Variants in KIF24 observed in about 807,000 individuals in gnomAD.
The protein encoded by KIF24 is kinesin-like protein KIF24.
A neutral mutation model predicts 118.9 loss-of-function variants in KIF24; 81 were observed. That is an observed-to-expected ratio of 0.68 (90% CI 0.57 to 0.82). The LOEUF (loss-of-function observed/expected upper bound fraction) is 0.82. KIF24 is among the 40% of genes least tolerant of loss of function. KIF24 has a pLI of 0.00. For synonymous variants in KIF24, 599 were observed against 610.0 expected (o/e 0.98, Z 0.27); for missense variants, 1,560 against 1,661.6 (o/e 0.94, Z 1.06).
rs372980730 is a variant in KIF24 at position 34,263,169 on chromosome 9, T to C, written c.1447A>G (p.Lys483Glu). 1.9e-6 allele frequency: 3 copies of C among 1,612,582 alleles called. No individual in the cohort carries two copies. The highest frequency in any genetic ancestry group is 2.5e-6 in the Non-Finnish European group (3 of 1,179,204). The change falls in exon 9 of 13, where the codon AAG becomes GAG. Residue 483 changes from lysine (K) to glutamate (E), a missense_variant. Lys to Glu is a moderately conservative substitution (Grantham distance 56). This residue lies in a region of KIF24 where 964 missense variants were observed against 988.0 expected (regional missense o/e 0.98). Coordinates refer to ENST00000402558, the MANE Select transcript of KIF24 (RefSeq NM_194313.4). ...TGATCCAGTGCTCGGATACATTCCT[T>C]CAGCTGCAAAGTGGGAGAACAAGCA... ...AEINQSLLAL[K>E]ECIRALDQEH...
intron 7 of KIF24, 60 bp from the exon 8 acceptor site, chr9:34,269,422 T>C: frequency 1.2e-6 from 1 of 821,328 alleles, no homozygotes; most frequent in Non-Finnish European, 1.8e-6. Flanking sequence ...TTATTTTATT[T>C]TTATTATTAT....
Position 34,290,421 on chromosome 9 carries a change from ATATTAAGAGAAG to A in KIF24, c.912-44_912-33del, listed in dbSNP as rs777372538. On this transcript the variant is annotated intron_variant, in intron 4 of 12. Coordinates refer to ENST00000402558, the MANE Select transcript of KIF24 (RefSeq NM_194313.4). Reference sequence around the variant, plus strand: ...AAAGGATAATTTGCATTACTTATGCATATTAAGAGAAGTATTAGTTTACCCATAGATTTTTAA... The same window carrying A: ...AAAGGATAATTTGCATTACTTATGCATATTAGTTTACCCATAGATTTTTAA... 7 of 1,336,400 alleles carry A rather than the reference ATATTAAGAGAAG, an allele frequency of 5.2e-6. No individual in the cohort carries two copies. The South Asian group carries it at 8.5e-5, about 16-fold the overall frequency. The allele number at this position is 1,336,400 out of a possible 1,614,324, so 82.8% of individuals were successfully genotyped here.
At chr9:34,331,697 T>A (rs1013226695), upstream of KIF24, among the ~76,000 whole-genome samples, 1 of 152,222 alleles carries the variant, frequency 6.6e-6, no homozygotes, top group South Asian at 2.1e-4. Context: ...AAAATAATTT[T>A]AAAAAAGTAA....
At position 34,255,795 on chromosome 9, in the gene KIF24, A is replaced by G. The variant is rs890956314; in HGVS notation, c.3812T>C (p.Val1271Ala). Residue 1271 changes from valine to alanine, a missense_variant, in exon 11 of 13, where the codon GTT becomes GCT. Physicochemically the swap from Val to Ala is moderately conservative, Grantham distance 64 (BLOSUM62 0). Around this residue, in one of 3 missense-constraint regions of KIF24, gnomAD observed 591 missense variants for 655.6 expected, o/e 0.90. Transcript: ENST00000402558. Reference protein sequence around the residue: ...RCLARPSSPLVPSCSPKTAGT... With the variant: ...RCLARPSSPLAPSCSPKTAGT... Reference sequence around the variant, plus strand: ...TGCAGTCTTGGGAGAGCAGCTGGGAACCAAGGGAGAACTTGGCCTTGCTAA... The same window carrying G: ...TGCAGTCTTGGGAGAGCAGCTGGGAGCCAAGGGAGAACTTGGCCTTGCTAA... The G allele has an allele frequency of 3.7e-6, 6 of 1,613,776 alleles. No homozygotes were observed. The highest frequency in any genetic ancestry group is 1.6e-4 in the Middle Eastern group (1 of 6,084).
At chr9:34,283,052 C>CAAAAA (rs33926979) in intron 6 of KIF24, among the ~76,000 whole-genome samples, 1 of 69,062 alleles carries the variant, frequency 1.4e-5, no homozygotes, top group African/African-American at 5.6e-5. Flanking sequence ...AACTCCGTCT[C>CAAAAA]AAAAAAAAAA....
intron 9 of KIF24, among the ~76,000 whole-genome samples, chr9:34,262,566 G>C (rs1835096107): frequency 7.1e-6 from 1 of 140,732 alleles, no homozygotes; most frequent in Admixed American, 7.4e-5. Context: ...CAGTACTTTG[G>C]AAGGCTGAGG....
At chr9:34,292,859 T>C (rs1165896052) in intron 4 of KIF24, among the ~76,000 whole-genome samples, 1 of 152,148 alleles carries the variant, frequency 6.6e-6, no homozygotes, top group Non-Finnish European at 1.5e-5. Context: ...AAGAATAATA[T>C]CTACTTTACT....
intron 4 of KIF24, 48 bp from the exon 5 acceptor site, chr9:34,290,437 T>C (rs928928460): frequency 8.4e-7 from 1 of 1,192,958 alleles, no homozygotes. Context: ...AGAGAAGTAT[T>C]AGTTTACCCA....
chr9:34,290,149 A>G (rs778941426), intron 5 of KIF24, 25 bp downstream of exon 5: 1 of 1,517,062 alleles, frequency 6.6e-7, no homozygotes. Flanking sequence ...GAACAGATTT[A>G]TCGCTTCCCA....
At chr9:34,309,929 A>G (rs1837071902) in intron 2 of KIF24, among the ~76,000 whole-genome samples, 1 of 151,864 alleles carries the variant, frequency 6.6e-6, no homozygotes, top group Non-Finnish European at 1.5e-5. Flanking sequence ...TTGTTTGCCC[A>G]TAACTCACAT....
intron 5 of KIF24, among the ~76,000 whole-genome samples, chr9:34,288,473 G>A (rs1002326009): frequency 2.0e-5 from 3 of 151,180 alleles, no homozygotes; most frequent in Non-Finnish European, 4.4e-5. Context: ...GGGCGACAGA[G>A]CAATACCTTG....
At chr9:34,297,323 C>G (rs1836523123) in intron 3 of KIF24, among the ~76,000 whole-genome samples, 1 of 152,154 alleles carries the variant, frequency 6.6e-6, no homozygotes, top group South Asian at 2.1e-4. Context: ...AAGGTAAAAA[C>G]TAAGGCATAC....
At position 34,290,244 on chromosome 9, in the gene KIF24, G is replaced by A; in HGVS notation, c.1057C>T (p.Leu353Phe). 1 of 1,613,916 alleles carries A rather than the reference G, an allele frequency of 6.2e-7. No homozygotes were observed. Among genetic ancestry groups the A allele is most frequent in the African/African-American group, 1.3e-5 (1 of 75,040 alleles). The change falls in exon 5 of 13, where the codon CTC (leucine) becomes TTC (phenylalanine). Residue 353 changes from leucine (L) to phenylalanine (F), a missense_variant. Leu to Phe is a conservative substitution (Grantham distance 22). This residue lies in a region of KIF24 where 964 missense variants were observed against 988.0 expected (regional missense o/e 0.98). Coordinates refer to ENST00000402558, the MANE Select transcript of KIF24 (RefSeq NM_194313.4). Reference protein sequence around the residue: ...QLEVSQPRKHLFVWISFYEIY... With the variant: ...QLEVSQPRKHFFVWISFYEIY... ...TCATAGAAGCTGATCCACACAAAGAGGTGCTTTCTTGGCTGGGACACTTCT... is the reference window on the plus strand; with the variant it reads ...TCATAGAAGCTGATCCACACAAAGAAGTGCTTTCTTGGCTGGGACACTTCT...
At position 34,306,458 on chromosome 9, in the gene KIF24, C is replaced by T; in HGVS notation, c.624-17G>A. The T allele has an allele frequency of 1.3e-6, 2 of 1,513,108 alleles. No homozygotes were observed. The highest frequency in any genetic ancestry group is 1.8e-6 in the Non-Finnish European group (2 of 1,115,624). The allele number at this position is 1,513,108 out of a possible 1,614,324, so 93.7% of individuals were successfully genotyped here. A position where few individuals can be genotyped will look rare whatever the true frequency, so the allele number is the denominator to read the frequency against. ...GTGTTCTGTCTAATATGTTTATAAACAGGCTTTTAATTTTTAATAATAGGA... is the reference window on the plus strand; with the variant it reads ...GTGTTCTGTCTAATATGTTTATAAATAGGCTTTTAATTTTTAATAATAGGA... On this transcript the variant is annotated splice_polypyrimidine_tract_variant and intron_variant, in intron 2 of 12. Transcript: ENST00000402558.
At position 34,286,709 on chromosome 9, in the gene KIF24, A is replaced by G; in HGVS notation, c.1128-5T>C. On this transcript the variant is annotated splice_region_variant and splice_polypyrimidine_tract_variant and intron_variant, in intron 5 of 12. Coordinates refer to ENST00000402558, the MANE Select transcript of KIF24 (RefSeq NM_194313.4). ...CTATCTTCTCTTGCAAAGAGCCTGC[A>G]GATGCAAGAAAGTGGTTGGTATGAT... 1.9e-6 allele frequency: 3 copies of G among 1,605,994 alleles called. No homozygotes were observed. Among genetic ancestry groups the G allele is most frequent in the Middle Eastern group, 1.7e-4 (1 of 6,040 alleles).
intron 6 of KIF24, among the ~76,000 whole-genome samples, chr9:34,283,720 T>C (rs1835938481): frequency 6.6e-6 from 1 of 151,914 alleles, no homozygotes; most frequent in Non-Finnish European, 1.5e-5. Flanking sequence ...TAACCCAAGA[T>C]GAGGAAAAGA....
chr9:34,320,001 A>AG (rs1307596868), intron 1 of KIF24, among the ~76,000 whole-genome samples: 2 of 152,112 alleles, frequency 1.3e-5, no homozygotes, highest in African/African-American at 2.4e-5. Context: ...AAATGGAGCT[A>AG]GGGGGGTCAG....
In KIF24 at chr9:34,257,160, T is replaced by C. The variant is rs1005442689; in HGVS notation, c.2447A>G (p.Asp816Gly). 2.5e-6 allele frequency: 4 copies of C among 1,613,902 alleles called. No individual in the cohort carries two copies. The African/African-American group carries it at 5.3e-5, about 22-fold the overall frequency. ...PLFHSYSENH[D>G]GAQVEELDDS... is the part of the protein sequence containing the mutation. ...ATCAAGTTCCTCTACTTGGGCTCCA[T>C]CATGGTTTTCAGAGTAAGAGTGGAA... Residue 816 changes from aspartate to glycine, a missense_variant, in exon 11 of 13, where the codon GAT (aspartate) becomes GGT (glycine). By Grantham distance (94) the Asp-to-Gly change is moderately conservative (BLOSUM62 -1). This residue lies in a region of KIF24 where 964 missense variants were observed against 988.0 expected (regional missense o/e 0.98). Transcript: ENST00000402558.
chr9:34,311,357 AG>A lies in KIF24; in HGVS notation c.-12del. The A allele has an allele frequency of 6.5e-7, 1 of 1,537,634 alleles. No homozygotes were observed. Among genetic ancestry groups the A allele is most frequent in the East Asian group, 2.3e-5 (1 of 43,946 alleles). ...TAACCAGGATGCCATTTTGGTGAAT[AG>A]GTTTCTATAAACTCTGAAGAGAGAA... On this transcript the variant is annotated 5_prime_UTR_variant, in exon 2 of 13. Transcript: ENST00000402558.
Sources: allele counts gnomAD v4.1 joint callset (sites outside exome capture counted in the v4.1 genomes callset), GRCh38; gene constraint gnomAD v4.1.1; regional missense constraint gnomAD v4.1.1; transcripts MANE v1.5; gene names NCBI Gene and HGNC (gene_info 2026-07-23, HGNC 2026-07-21).